Variants in PTPRR observed in about 807,000 individuals in gnomAD.
PTPRR encodes the protein protein tyrosine phosphatase receptor type R, also known as receptor-type tyrosine-protein phosphatase R.
In PTPRR, 38 loss-of-function variants were observed where a neutral mutation model predicts 77.2. The observed-to-expected ratio is 0.49, with a 90% CI of 0.38 to 0.65. The LOEUF (loss-of-function observed/expected upper bound fraction) is 0.65, where lower values mean the gene tolerates loss of function less well. PTPRR is among the 30% of genes least tolerant of loss of function. The pLI, the probability that PTPRR is intolerant of heterozygous loss-of-function variation, is 0.00. For synonymous variants in PTPRR, 299 were observed against 283.1 expected (o/e 1.06, Z -0.57); for missense variants, 744 against 799.2 (o/e 0.93, Z 0.83).
At chr12:70,871,652 A>G (rs1892960666) in intron 2 of PTPRR, among the ~76,000 whole-genome samples, 1 of 152,238 alleles carries the variant, frequency 6.6e-6, no homozygotes, top group African/African-American at 2.4e-5. Context: ...TGAGTATGGT[A>G]AACATCAAGT....
At chr12:70,743,985 G>T (rs1890132738) in intron 6 of PTPRR, among the ~76,000 whole-genome samples, 1 of 152,092 alleles carries the variant, frequency 6.6e-6, no homozygotes, top group African/African-American at 2.4e-5. Flanking sequence ...ACCCTTCATT[G>T]TTATCTACTA....
chr12:70,790,601 C>A (rs1490828273), intron 2 of PTPRR, among the ~76,000 whole-genome samples: 1 of 152,110 alleles, frequency 6.6e-6, no homozygotes, highest in Non-Finnish European at 1.5e-5. Flanking sequence ...CCAATTGCAT[C>A]CTTGACATAC....
At chr12:70,758,280 AG>A (rs1890607909) in intron 4 of PTPRR, among the ~76,000 whole-genome samples, 1 of 152,182 alleles carries the variant, frequency 6.6e-6, no homozygotes, top group Non-Finnish European at 1.5e-5. Context: ...ATTGTGAGCT[AG>A]TAGCTCTGTG....
rs1192988682 is a variant in PTPRR, at chr12:70,802,592, A to G, written c.358-37814T>C. ...CATTAAAGTGCTGAGATTTTTAGAG[A>G]TTATATTGTCTTATCTCTCTAAATT... On this transcript the variant is annotated intron_variant, in intron 2 of 13. Coordinates refer to ENST00000283228, the MANE Select transcript of PTPRR (RefSeq NM_002849.4). Among the ~76,000 whole-genome samples, 2 of 152,166 alleles carry G rather than the reference A, an allele frequency of 1.3e-5. 1 individual carries two copies. The highest frequency in any genetic ancestry group is 4.1e-4 in the South Asian group (2 of 4,832).
intron 13 of PTPRR, among the ~76,000 whole-genome samples, chr12:70,648,895 A>G (rs1264450510): frequency 6.6e-6 from 1 of 152,034 alleles, no homozygotes; most frequent in Non-Finnish European, 1.5e-5. Flanking sequence ...AAGAAATCTT[A>G]TTTTAGTTCA....
At chr12:70,688,073 G>C (rs926614157) in intron 8 of PTPRR, among the ~76,000 whole-genome samples, 7 of 152,130 alleles carry the variant, frequency 4.6e-5, no homozygotes, top group Non-Finnish European at 1.0e-4. Context: ...ACTTGCATGA[G>C]CCATTTTCAA....
rs570545413 is a variant in PTPRR, at chr12:70,654,318, C to G, written c.1880+2386G>C. ...TATGGCCTGGCACGGTGGCTCACACCTACAATCCCGGCACTTTGGGAGGCC... is the reference window on the plus strand; with the variant it reads ...TATGGCCTGGCACGGTGGCTCACACGTACAATCCCGGCACTTTGGGAGGCC... On this transcript the variant is annotated intron_variant, in intron 13 of 13. Coordinates refer to ENST00000283228, the MANE Select transcript of PTPRR (RefSeq NM_002849.4). Among the ~76,000 whole-genome samples the G allele has an allele frequency of 3.3e-5, 5 of 152,170 alleles. No homozygotes were observed. In the South Asian group the frequency reaches 1.0e-3, roughly 32 times the overall value.
At chr12:70,883,969 T>TA (rs1367933674) in intron 2 of PTPRR, among the ~76,000 whole-genome samples, 3 of 152,192 alleles carry the variant, frequency 2.0e-5, no homozygotes, top group African/African-American at 7.2e-5. Context: ...TCTCACCCAC[T>TA]CAAACAGTGT....
chr12:70,659,144 C>G (rs950485214), intron 12 of PTPRR, among the ~76,000 whole-genome samples: 2 of 151,976 alleles, frequency 1.3e-5, no homozygotes, highest in African/African-American at 4.8e-5. Flanking sequence ...CTCAAGTGAT[C>G]TGCCTGCCTC....
chr12:70,914,496 A>G (rs551278760), intron 1 of PTPRR, among the ~76,000 whole-genome samples: 1 of 152,306 alleles, frequency 6.6e-6, no homozygotes, highest in East Asian at 1.9e-4. Flanking sequence ...ACATCTTATG[A>G]GAAGAGTTTG....
chr12:70,914,613 T>C (rs1012145733), intron 1 of PTPRR, among the ~76,000 whole-genome samples: 1 of 152,172 alleles, frequency 6.6e-6, no homozygotes, highest in African/African-American at 2.4e-5. Context: ...TTAGGGAATA[T>C]TTATCAGAGT....
At chr12:70,816,004 C>A (rs1247561832) in intron 2 of PTPRR, among the ~76,000 whole-genome samples, 3 of 152,112 alleles carry the variant, frequency 2.0e-5, no homozygotes, top group African/African-American at 7.2e-5. Flanking sequence ...TTAAAAGAAA[C>A]ACTCTTTCCT....
Position 70,745,951 on chromosome 12 carries a change from G to T in PTPRR, c.874C>A (p.Pro292Thr). Residue 292 changes from proline to threonine, a missense_variant, in exon 6 of 14, where the codon CCT (proline) becomes ACT (threonine). By Grantham distance (38) the Pro-to-Thr change is conservative (BLOSUM62 -1). Around this residue, in one of 3 missense-constraint regions of PTPRR, gnomAD observed 570 missense variants for 573.2 expected, o/e 0.99. Coordinates refer to ENST00000283228, the MANE Select transcript of PTPRR (RefSeq NM_002849.4). ...TTCAGTACCTTTGGGGCCTGCTCAG[G>T]TTGGACCATGCTGTGGACTGTCTTT... ...EAKTVHSMVQ[P>T]EQAPKVLNVV... 6.2e-7 allele frequency: 1 copy of T among 1,614,142 alleles called. No individual in the cohort carries two copies. The highest frequency in any genetic ancestry group is 1.7e-5 in the Admixed American group (1 of 60,018).
intron 2 of PTPRR, among the ~76,000 whole-genome samples, chr12:70,765,591 C>G (rs1890799385): frequency 6.6e-6 from 1 of 152,206 alleles, no homozygotes; most frequent in African/African-American, 2.4e-5. Flanking sequence ...AGGGCACAGA[C>G]AAACAAAAAG....
chr12:70,641,557 A>T (rs747712260), intron 13 of PTPRR, among the ~76,000 whole-genome samples: 3 of 152,174 alleles, frequency 2.0e-5, no homozygotes, highest in Non-Finnish European at 4.4e-5. Context: ...GGAGAAGCAT[A>T]CTCATTAATT....
intron 2 of PTPRR, among the ~76,000 whole-genome samples, chr12:70,868,192 C>G (rs1274050518): frequency 6.6e-6 from 1 of 152,162 alleles, no homozygotes; most frequent in African/African-American, 2.4e-5. Flanking sequence ...CAAATGGGAT[C>G]TAATTAAACT....
At chr12:70,874,087 A>C (rs1015099437) in intron 2 of PTPRR, among the ~76,000 whole-genome samples, 1 of 152,176 alleles carries the variant, frequency 6.6e-6, no homozygotes, top group Non-Finnish European at 1.5e-5. Flanking sequence ...GTCCTTTATT[A>C]ACTAAGATAC....
At chr12:70,816,595 T>G (rs1319190054) in intron 2 of PTPRR, among the ~76,000 whole-genome samples, 1 of 152,086 alleles carries the variant, frequency 6.6e-6, no homozygotes, top group Admixed American at 6.5e-5. Flanking sequence ...CTAGTAATAC[T>G]TTTATAAATA....
intron 2 of PTPRR, among the ~76,000 whole-genome samples, chr12:70,828,172 T>C (rs938913177): frequency 6.6e-6 from 1 of 152,182 alleles, no homozygotes; most frequent in Non-Finnish European, 1.5e-5. Flanking sequence ...ATCTAATAAA[T>C]AGATTTGATA....
Sources: allele counts gnomAD v4.1 joint callset (sites outside exome capture counted in the v4.1 genomes callset), GRCh38; gene constraint gnomAD v4.1.1; regional missense constraint gnomAD v4.1.1; transcripts MANE v1.5; gene names NCBI Gene and HGNC (gene_info 2026-07-23, HGNC 2026-07-21).